The following AK8 variants were observed in gnomAD, a reference collection of about 807,000 sequenced individuals.
AK8 encodes ATP-AMP transphosphorylase 8.
Under a neutral mutation model 54.6 loss-of-function variants are expected in AK8, and 44 were observed. The observed-to-expected ratio is 0.81, with a 90% CI of 0.63 to 1.04. The LOEUF is 1.04. Ranked by LOEUF, AK8 falls within the 50% of genes least tolerant of loss-of-function variation. The pLI is 0.00. For missense variants in AK8, 555 were observed against 613.6 expected, an observed-to-expected ratio of 0.90 and a Z score of 1.01; for synonymous variants, 239 against 245.6, an observed-to-expected ratio of 0.97 and a Z score of 0.25.
At chr9:132,767,657 C>G (rs951680990) in intron 11 of AK8, among the ~76,000 whole-genome samples, 1 of 152,174 alleles carries the variant, frequency 6.6e-6, no homozygotes, top group Non-Finnish European at 1.5e-5. Context: ...TCTGCATGCC[C>G]ATGTTTACTG....
chr9:132,816,208 GC>G (rs1365606016), intron 9 of AK8, among the ~76,000 whole-genome samples: 1 of 152,012 alleles, frequency 6.6e-6, no homozygotes, highest in East Asian at 1.9e-4. Flanking sequence ...ACAAAAATTA[GC>G]CCAGTGTGGT....
chr9:132,856,360 C>T (rs1052346314), intron 4 of AK8, among the ~76,000 whole-genome samples: 2 of 152,232 alleles, frequency 1.3e-5, no homozygotes, highest in Admixed American at 6.5e-5. Context: ...AGCTGGGCGA[C>T]CCTGGGCAAA....
intron 5 of AK8, among the ~76,000 whole-genome samples, chr9:132,851,692 C>T (rs1396546842): frequency 2.0e-5 from 3 of 152,192 alleles, no homozygotes; most frequent in Admixed American, 6.5e-5. Context: ...GGTCACTGCA[C>T]GGCACTGCAA....
intron 11 of AK8, among the ~76,000 whole-genome samples, chr9:132,747,036 CATAT>C (rs1837684477): frequency 6.6e-6 from 1 of 152,196 alleles, no homozygotes; most frequent in Non-Finnish European, 1.5e-5. Context: ...ATTCTCAATG[CATAT>C]ATGCGGCAAC....
intron 9 of AK8, among the ~76,000 whole-genome samples, chr9:132,817,964 G>T (rs550299807): frequency 3.0e-4 from 46 of 152,354 alleles, no homozygotes; most frequent in Admixed American, 4.6e-4. Context: ...AACAGCAGCT[G>T]AGGGCAGGGG....
chr9:132,786,669 T>C (rs1280389300), intron 11 of AK8, among the ~76,000 whole-genome samples: 5 of 152,198 alleles, frequency 3.3e-5, no homozygotes, highest in Non-Finnish European at 7.3e-5. Flanking sequence ...ACCTGTGGGC[T>C]CTTTCCATGC....
rs1839469062 is a variant in AK8 at position 132,781,565 on chromosome 9, GAT to G, written c.1121+11067_1121+11068del. 6.6e-6 allele frequency among the ~76,000 whole-genome samples: 1 copy of G among 151,994 alleles called. No individual in the cohort carries two copies. On this transcript the variant is annotated intron_variant, in intron 11 of 12. Coordinates refer to ENST00000298545, the MANE Select transcript of AK8 (RefSeq NM_152572.3). The surrounding 1 kb of genome is among the most constrained non-coding windows in gnomAD (Gnocchi z 4.6). Reference sequence around the variant, plus strand: ...GTGAATATATTTTAATAATAAAATTGATATATATGTAAATTTATTTTAATCTA... The same window carrying G: ...GTGAATATATTTTAATAATAAAATTGATATATGTAAATTTATTTTAATCTA...
intron 11 of AK8, among the ~76,000 whole-genome samples, chr9:132,752,309 G>T (rs1837970006): frequency 6.7e-6 from 1 of 150,366 alleles, no homozygotes; most frequent in African/African-American, 2.5e-5. Context: ...GAGTGCAGTG[G>T]CGTGATCTCT....
At chr9:132,808,919 TA>T (rs1286424436) in intron 10 of AK8, among the ~76,000 whole-genome samples, 6 of 152,144 alleles carry the variant, frequency 3.9e-5, no homozygotes, top group African/African-American at 1.4e-4. Context: ...GAAGACTCTA[TA>T]GTGCCTGGCT....
At chr9:132,802,820 C>A (rs1341986365) in intron 10 of AK8, among the ~76,000 whole-genome samples, 1 of 152,202 alleles carries the variant, frequency 6.6e-6, no homozygotes, top group African/African-American at 2.4e-5. Flanking sequence ...GACCTCCTTG[C>A]CATGTCCTGC....
chr9:132,807,102 CT>C (rs1554794822), intron 10 of AK8, among the ~76,000 whole-genome samples: 1 of 151,994 alleles, frequency 6.6e-6, no homozygotes, highest in Non-Finnish European at 1.5e-5. Flanking sequence ...GTCTTCCCTC[CT>C]GACAATAAGA....
chr9:132,789,251 C>T lies in AK8; in HGVS notation c.1121+3383G>A, dbSNP rs187957298. On this transcript the variant is annotated intron_variant, in intron 11 of 12. Coordinates refer to ENST00000298545, the MANE Select transcript of AK8 (RefSeq NM_152572.3). ...CAGAGCTTACAGTGAGCCAAGATCG[C>T]GCCATGCACTCCAGCCTGGGAGACA... 4.0e-5 allele frequency among the ~76,000 whole-genome samples: 6 copies of T among 151,718 alleles called. No individual in the cohort carries two copies. In the East Asian group the frequency reaches 7.8e-4, roughly 20 times the overall value.
At position 132,842,325 on chromosome 9, in the gene AK8, GTTCA is replaced by G. The variant is rs367839334; in HGVS notation, c.402+12528_402+12531del. Among the ~76,000 whole-genome samples the G allele has an allele frequency of 1.8e-3, 271 of 152,110 alleles. 1 individual carries two copies. The highest frequency in any genetic ancestry group is 6.8e-3 in the East Asian group (35 of 5,184). On this transcript the variant is annotated intron_variant, in intron 5 of 12. Coordinates refer to ENST00000298545, the MANE Select transcript of AK8 (RefSeq NM_152572.3). ...GCATTGATTGATTCATTATTGACTG[GTTCA>G]TTCATTCATTCATTCATTCATTCAT... is the stretch of plus-strand genomic sequence containing the variant.
chr9:132,802,477 G>A (rs1174904051), intron 10 of AK8, among the ~76,000 whole-genome samples: 1 of 152,160 alleles, frequency 6.6e-6, no homozygotes, highest in Admixed American at 6.5e-5. Context: ...CCCAACCACT[G>A]CCGCCCTTGA....
chr9:132,771,644 CT>C (rs113388720), intron 11 of AK8, among the ~76,000 whole-genome samples: 4,989 of 152,218 alleles, frequency 0.033, 269 homozygotes, highest in African/African-American at 0.11. Flanking sequence ...CATGTTCTGA[CT>C]GCAATTCCCT....
chr9:132,741,573 G>A (rs575580426), intron 11 of AK8, among the ~76,000 whole-genome samples: 1 of 152,336 alleles, frequency 6.6e-6, no homozygotes, highest in South Asian at 2.1e-4. Context: ...AAAGAGCTCA[G>A]CTGTAAGGGG....
At chr9:132,871,865 G>T (rs1843852165) in intron 2 of AK8, among the ~76,000 whole-genome samples, 1 of 152,246 alleles carries the variant, frequency 6.6e-6, no homozygotes, top group African/African-American at 2.4e-5. Flanking sequence ...CCAGAAAGAT[G>T]ATGTTTAAAC....
intron 11 of AK8, among the ~76,000 whole-genome samples, chr9:132,783,876 A>G (rs1839580735): frequency 1.3e-5 from 2 of 152,216 alleles, no homozygotes; most frequent in Admixed American, 1.3e-4. Context: ...GTTACCATGA[A>G]GGTCAGAGTG....
chr9:132,751,528 G>A (rs1235394698), intron 11 of AK8, among the ~76,000 whole-genome samples: 2 of 148,682 alleles, frequency 1.3e-5, no homozygotes, highest in African/African-American at 5.0e-5. Context: ...CACGATGACA[G>A]AGTGAGACTC....
Sources: allele counts gnomAD v4.1 joint callset (sites outside exome capture counted in the v4.1 genomes callset), GRCh38; gene constraint gnomAD v4.1.1; non-coding constraint Gnocchi (gnomAD v3.1); transcripts MANE v1.5; gene names NCBI Gene and HGNC (gene_info 2026-07-23, HGNC 2026-07-21).